The following LMBR1 variants were observed in gnomAD, a reference collection of about 807,000 sequenced individuals.
LMBR1 encodes the protein limb development membrane protein 1, also known as limb region 1 protein homolog.
A neutral mutation model predicts 73.9 loss-of-function variants in LMBR1; 52 were observed. The observed-to-expected ratio is 0.70, with a 90% CI of 0.56 to 0.89. The LOEUF is 0.89. Among genes scored for constraint, LMBR1 ranks in the 40% least tolerant of loss-of-function variants. LMBR1 has a pLI of 0.00. For synonymous variants in LMBR1, 215 were observed against 209.4 expected (o/e 1.03, Z -0.23); for missense variants, 539 against 579.8 (o/e 0.93, Z 0.72).
In LMBR1 at chr7:156,678,273, G is replaced by A. The variant is rs559455160; in HGVS notation, c.*5805C>T. The A allele has an allele frequency of 1.3e-5, 2 of 152,376 alleles. No individual in the cohort carries two copies. Among genetic ancestry groups the A allele is most frequent in the Admixed American group, 1.3e-4 (2 of 15,300 alleles). The allele number at this position is 152,376 out of a possible 1,614,324, so 9.4% of individuals were successfully genotyped here. A position where few individuals can be genotyped will look rare whatever the true frequency, so the allele number is the denominator to read the frequency against. Reference sequence around the variant, plus strand: ...CTTAGGAAAATCGGTGGGATGAAAGGCAGGAATGGTCATCTAACTTCACTG... The same window carrying A: ...CTTAGGAAAATCGGTGGGATGAAAGACAGGAATGGTCATCTAACTTCACTG... On this transcript the variant is annotated 3_prime_UTR_variant, in exon 17 of 17. Transcript: ENST00000353442.
In LMBR1 at chr7:156,756,244, C is replaced by G. The variant is rs1179202504; in HGVS notation, c.757+149G>C. 3 of 539,782 alleles carry G rather than the reference C, an allele frequency of 5.6e-6. No individual in the cohort carries two copies. The African/African-American group carries it at 5.9e-5, about 11-fold the overall frequency. The allele number at this position is 539,782 out of a possible 1,614,324, so 33.4% of individuals were successfully genotyped here. ...AGGGTCTGCAATAACCCTCTCTTCACCAGGGAAGTTCTTTTATTACTCTAA... is the reference window on the plus strand; with the variant it reads ...AGGGTCTGCAATAACCCTCTCTTCAGCAGGGAAGTTCTTTTATTACTCTAA... On this transcript the variant is annotated intron_variant, in intron 9 of 16. Coordinates refer to ENST00000353442, the MANE Select transcript of LMBR1 (RefSeq NM_022458.4).
rs140832998 is a variant in LMBR1, at chr7:156,752,899, G to A, written c.757+3494C>T. On this transcript the variant is annotated intron_variant, in intron 9 of 16. Coordinates refer to ENST00000353442, the MANE Select transcript of LMBR1 (RefSeq NM_022458.4). ...CCACAAAAGGGAGCTAAGAGTGTACGCAGGGGACTGATTCTAACAACAGTC... is the reference window on the plus strand; with the variant it reads ...CCACAAAAGGGAGCTAAGAGTGTACACAGGGGACTGATTCTAACAACAGTC... 7.3e-5 allele frequency among the ~76,000 whole-genome samples: 11 copies of A among 151,568 alleles called. No homozygotes were observed. The East Asian group carries it at 1.4e-3, about 19-fold the overall frequency.
At chr7:156,885,715 A>T (rs1291908731) in intron 1 of LMBR1, among the ~76,000 whole-genome samples, 1 of 151,952 alleles carries the variant, frequency 6.6e-6, no homozygotes, top group Non-Finnish European at 1.5e-5. Flanking sequence ...TGCCTCTACT[A>T]AAAATTCAAA....
intron 2 of LMBR1, among the ~76,000 whole-genome samples, chr7:156,835,430 C>G (rs374185189): frequency 1.3e-5 from 2 of 152,326 alleles, no homozygotes; most frequent in East Asian, 3.9e-4. Flanking sequence ...CGCAGTGGCT[C>G]ATGCCTATAA....
At chr7:156,735,770 C>T (rs1293799177) in intron 9 of LMBR1, among the ~76,000 whole-genome samples, 1 of 151,348 alleles carries the variant, frequency 6.6e-6, no homozygotes, top group African/African-American at 2.4e-5. Flanking sequence ...TTTGTTTTTA[C>T]CTATCTTGCT....
chr7:156,768,650 G>A (rs80043290), intron 5 of LMBR1, among the ~76,000 whole-genome samples: 2 of 152,110 alleles, frequency 1.3e-5, no homozygotes, highest in Admixed American at 6.5e-5. Flanking sequence ...TCCCCCAGGA[G>A]GTATCTGCCA....
chr7:156,745,942 C>T (rs147640307), intron 9 of LMBR1, among the ~76,000 whole-genome samples: 10 of 152,262 alleles, frequency 6.6e-5, no homozygotes, highest in Non-Finnish European at 1.2e-4. Context: ...AAAGCTAGTA[C>T]AGAAATATTC....
At chr7:156,836,565 C>A (rs895915124) in intron 2 of LMBR1, among the ~76,000 whole-genome samples, 11 of 152,124 alleles carry the variant, frequency 7.2e-5, no homozygotes, top group Admixed American at 7.2e-4. Flanking sequence ...TACTAAATAG[C>A]CTAGCACTAT....
At chr7:156,844,144 G>C (rs1469583690) in intron 1 of LMBR1, among the ~76,000 whole-genome samples, 2 of 152,010 alleles carry the variant, frequency 1.3e-5, no homozygotes, top group East Asian at 3.9e-4. Flanking sequence ...GGCCAACATG[G>C]AGAAACCCCG....
chr7:156,729,584 C>T (rs1816457092), intron 10 of LMBR1, among the ~76,000 whole-genome samples: 1 of 151,586 alleles, frequency 6.6e-6, no homozygotes, highest in Non-Finnish European at 1.5e-5. Context: ...AGTGATTCTC[C>T]TGCCTCAGCC....
intron 12 of LMBR1, among the ~76,000 whole-genome samples, chr7:156,727,240 T>A (rs1414676516): frequency 1.3e-5 from 2 of 152,156 alleles, no homozygotes; most frequent in East Asian, 3.8e-4. Flanking sequence ...TAGGAAGGAT[T>A]AAGAGTATCT....
intron 4 of LMBR1, among the ~76,000 whole-genome samples, chr7:156,804,055 G>A (rs1482282325): frequency 1.3e-5 from 2 of 151,666 alleles, no homozygotes; most frequent in Non-Finnish European, 2.9e-5. Context: ...ATGAGGAGAT[G>A]ATGGGTGCAG....
chr7:156,831,025 C>G (rs189326542), intron 3 of LMBR1, among the ~76,000 whole-genome samples: 36 of 152,178 alleles, frequency 2.4e-4, no homozygotes, highest in African/African-American at 8.7e-4. Flanking sequence ...CAGGAAAACA[C>G]GGTAAGGAAG....
intron 12 of LMBR1, among the ~76,000 whole-genome samples, chr7:156,726,660 T>C (rs1009259542): frequency 6.6e-6 from 1 of 152,030 alleles, no homozygotes; most frequent in Admixed American, 6.6e-5. Flanking sequence ...TTTGACAATC[T>C]TTTGAAGAAG....
At chr7:156,717,962 C>T (rs1189335460) in intron 15 of LMBR1, among the ~76,000 whole-genome samples, 1 of 152,180 alleles carries the variant, frequency 6.6e-6, no homozygotes, top group African/African-American at 2.4e-5. Context: ...AAGTGGCGGC[C>T]GGATCTCTAA....
chr7:156,691,444 T>C (rs115840554), intron 15 of LMBR1, among the ~76,000 whole-genome samples: 1,585 of 152,314 alleles, frequency 0.01, 31 homozygotes, highest in African/African-American at 0.036. Context: ...ATAAAAGAAT[T>C]AACATACAGA....
chr7:156,873,254 G>A (rs1481969963), intron 1 of LMBR1, among the ~76,000 whole-genome samples: 3 of 151,694 alleles, frequency 2.0e-5, no homozygotes, highest in African/African-American at 4.8e-5. Context: ...GCAGACCTTC[G>A]CGGTGAGTGT....
chr7:156,845,045 C>G (rs1839373304), intron 1 of LMBR1, among the ~76,000 whole-genome samples: 1 of 152,098 alleles, frequency 6.6e-6, no homozygotes. Context: ...GAATAAGTAT[C>G]ATAAAAGAGT....
chr7:156,701,562 T>C (rs1388905284), intron 15 of LMBR1, among the ~76,000 whole-genome samples: 5 of 152,240 alleles, frequency 3.3e-5, no homozygotes, highest in African/African-American at 9.6e-5. Flanking sequence ...TGACACCATA[T>C]GCTGGTGAGG....
Sources: gnomAD v4.1 joint callset for allele counts (sites outside exome capture counted in the v4.1 genomes callset) on GRCh38, gnomAD v4.1.1 for gene constraint, MANE v1.5 for transcripts, NCBI Gene and HGNC (gene_info 2026-07-23, HGNC 2026-07-21) for gene names.